Variants in NRXN3 observed in about 807,000 individuals in gnomAD.
The protein encoded by NRXN3 is neurexin III.
A neutral mutation model predicts 137.6 loss-of-function variants in NRXN3; 32 were observed. The observed-to-expected ratio is 0.23, with a 90% confidence interval of 0.18 to 0.31. The LOEUF (loss-of-function observed/expected upper bound fraction) is 0.31. Among genes scored for constraint, NRXN3 ranks in the 10% least tolerant of loss-of-function variants. The probability of loss-of-function intolerance (pLI) is 1.00; values close to 1 mark genes in which losing one functional copy is unlikely to be tolerated. For synonymous variants in NRXN3, 798 were observed against 784.5 expected, an observed-to-expected ratio of 1.02 and a Z score of -0.29; for missense variants, 1,574 against 2,062.5, an observed-to-expected ratio of 0.76 and a Z score of 4.59.
chr14:78,786,924 G>A (rs1324954228), intron 8 of NRXN3, among the ~76,000 whole-genome samples: 1 of 152,068 alleles, frequency 6.6e-6, no homozygotes, highest in Non-Finnish European at 1.5e-5. Context: ...TGAAATAAAA[G>A]GTATGAATGC....
chr14:79,811,958 T>C (rs1421186381), intron 20 of NRXN3, among the ~76,000 whole-genome samples: 9 of 152,134 alleles, frequency 5.9e-5, no homozygotes, highest in Non-Finnish European at 1.3e-4. Context: ...TATGTGCTTT[T>C]AAAATCCTTA....
intron 16 of NRXN3, among the ~76,000 whole-genome samples, chr14:79,619,355 T>A (rs1177391854): frequency 6.6e-6 from 1 of 152,140 alleles, no homozygotes; most frequent in Non-Finnish European, 1.5e-5. Context: ...ATTTAAGTTT[T>A]CAATCTATCT....
chr14:78,309,785 T>G lies in NRXN3; in HGVS notation c.757+11925T>G, dbSNP rs112725116. Among the ~76,000 whole-genome samples, 1,253 of 152,274 alleles carry G rather than the reference T, an allele frequency of 8.2e-3. 16 individuals carry two copies. Among genetic ancestry groups the G allele is most frequent in the African/African-American group, 0.024 (991 of 41,580 alleles). On this transcript the variant is annotated intron_variant, in intron 4 of 20. Transcript: ENST00000335750. ...AGTTAGTGTTCAGTTAAAAACACTT[T>G]GGACAGCAATTTTATAGTAGCTACC...
intron 16 of NRXN3, among the ~76,000 whole-genome samples, chr14:79,468,226 G>A (rs1378639526): frequency 6.6e-6 from 1 of 152,096 alleles, no homozygotes; most frequent in African/African-American, 2.4e-5. Context: ...TGATTTAGAA[G>A]AAAAAATTCT....
chr14:78,310,744 C>T (rs994370112), intron 4 of NRXN3, among the ~76,000 whole-genome samples: 2 of 152,016 alleles, frequency 1.3e-5, no homozygotes, highest in African/African-American at 4.8e-5. Flanking sequence ...GGGAATAAAA[C>T]ATGGTGGGTT....
intron 16 of NRXN3, among the ~76,000 whole-genome samples, chr14:79,488,789 G>A (rs1307261942): frequency 1.3e-5 from 2 of 152,062 alleles, no homozygotes; most frequent in Non-Finnish European, 2.9e-5. Flanking sequence ...CAGGGGCAGG[G>A]GTAGATTTAG....
intron 15 of NRXN3, among the ~76,000 whole-genome samples, chr14:79,233,640 C>T (rs2072662120): frequency 6.6e-6 from 1 of 151,348 alleles, no homozygotes; most frequent in African/African-American, 2.4e-5. Flanking sequence ...TGCAGTGGTC[C>T]AGACATTTTT....
intron 4 of NRXN3, among the ~76,000 whole-genome samples, chr14:78,475,414 CAG>C (rs1358301132): frequency 4.6e-5 from 7 of 152,120 alleles, no homozygotes; most frequent in Admixed American, 2.0e-4. Flanking sequence ...TCATGGTACC[CAG>C]AGCATGTTGC....
chr14:79,363,038 C>A (rs1024707598), intron 15 of NRXN3, among the ~76,000 whole-genome samples: 2 of 150,990 alleles, frequency 1.3e-5, no homozygotes, highest in Non-Finnish European at 2.9e-5. Context: ...CGTTCTGTCA[C>A]CCAGGCTGGA....
intron 15 of NRXN3, among the ~76,000 whole-genome samples, chr14:79,097,013 ATT>A (rs75520562): frequency 9.1e-5 from 13 of 143,362 alleles, no homozygotes; most frequent in Non-Finnish European, 7.6e-5. Flanking sequence ...GGCCAAAATG[ATT>A]TTTTTTTTTT....
In NRXN3 at chr14:79,134,006, G is replaced by A. The variant is rs545576090; in HGVS notation, c.3262+145865G>A. Among the ~76,000 whole-genome samples the A allele has an allele frequency of 1.5e-3, 223 of 151,834 alleles. 2 individuals carry two copies. The highest frequency in any genetic ancestry group is 5.2e-3 in the African/African-American group (216 of 41,382). Reference sequence around the variant, plus strand: ...TTATTTACTGAAGGAGTAAATATGTGTGACAACCAGTGGTGTCCTCATTCC... The same window carrying A: ...TTATTTACTGAAGGAGTAAATATGTATGACAACCAGTGGTGTCCTCATTCC... On this transcript the variant is annotated intron_variant, in intron 15 of 20. Transcript: ENST00000335750.
chr14:78,807,747 A>G (rs1156860907), intron 9 of NRXN3, among the ~76,000 whole-genome samples: 3 of 130,642 alleles, frequency 2.3e-5, no homozygotes, highest in African/African-American at 8.6e-5. Flanking sequence ...AAAAAAAAAA[A>G]AAAAAAAAGA....
chr14:79,427,196 G>A (rs2153543395), intron 15 of NRXN3, among the ~76,000 whole-genome samples: 1 of 152,262 alleles, frequency 6.6e-6, no homozygotes, highest in East Asian at 1.9e-4. Flanking sequence ...AAAGCAATCA[G>A]AAGACCTGTA....
intron 16 of NRXN3, among the ~76,000 whole-genome samples, chr14:79,535,927 G>A (rs940356603): frequency 3.3e-5 from 5 of 152,176 alleles, no homozygotes; most frequent in Admixed American, 6.5e-5. Flanking sequence ...ATTCAGTTAC[G>A]TGTTGGAGTG....
intron 4 of NRXN3, among the ~76,000 whole-genome samples, chr14:78,627,138 CTCTCTCA>C (rs2097471273): frequency 3.5e-5 from 4 of 114,106 alleles, no homozygotes; most frequent in South Asian, 2.8e-4. Context: ...CTCTCTCTCT[CTCTCTCA>C]TTTTTATTAG....
intron 16 of NRXN3, among the ~76,000 whole-genome samples, chr14:79,650,304 A>G (rs912721418): frequency 6.6e-6 from 1 of 152,100 alleles, no homozygotes; most frequent in Non-Finnish European, 1.5e-5. Flanking sequence ...GTGGATATTT[A>G]TTTGGAAATA....
At chr14:79,708,517 ATATATGATGTTC>A (rs2098790412) in intron 19 of NRXN3, among the ~76,000 whole-genome samples, 1 of 151,746 alleles carries the variant, frequency 6.6e-6, no homozygotes, top group Non-Finnish European at 1.5e-5. Flanking sequence ...TTTTCTGAAA[ATATATGATGTTC>A]TATTTATATA....
intron 19 of NRXN3, among the ~76,000 whole-genome samples, chr14:79,781,230 T>C (rs2140097560): frequency 6.6e-6 from 1 of 152,316 alleles, no homozygotes; most frequent in East Asian, 1.9e-4. Context: ...AGCCAAACTA[T>C]ATACTACAGT....
intron 15 of NRXN3, among the ~76,000 whole-genome samples, chr14:79,392,932 T>C (rs925696154): frequency 5.5e-5 from 7 of 127,014 alleles, no homozygotes; most frequent in Admixed American, 2.1e-4. Flanking sequence ...ATCCTGCCAC[T>C]GCACTCTAGG....
Sources: gnomAD v4.1 joint callset for allele counts (sites outside exome capture counted in the v4.1 genomes callset) on GRCh38, gnomAD v4.1.1 for gene constraint, MANE v1.5 for transcripts, NCBI Gene and HGNC (gene_info 2026-07-23, HGNC 2026-07-21) for gene names.